NAALADL2: variants seen among roughly 807,000 people sequenced by gnomAD.
NAALADL2 encodes the protein N-acetylated alpha-linked acidic dipeptidase like 2.
Under a neutral mutation model 87.2 loss-of-function variants are expected in NAALADL2, and 76 were observed. The ratio of observed to expected loss-of-function variants is 0.87; its 90% CI spans 0.72 to 1.05. The LOEUF (loss-of-function observed/expected upper bound fraction) is 1.05. Ranked by LOEUF, NAALADL2 falls within the 50% of genes least tolerant of loss-of-function variation. The pLI, the probability that NAALADL2 is intolerant of heterozygous loss-of-function variation, is 0.00. For missense variants in NAALADL2, 1,089 were observed against 945.8 expected, an observed-to-expected ratio of 1.15 and a Z score of -1.99; for synonymous variants, 354 against 331.0, an observed-to-expected ratio of 1.07 and a Z score of -0.75.
intron 5 of NAALADL2, among the ~76,000 whole-genome samples, chr3:175,439,739 TC>T (rs200371516): frequency 0.05 from 7,367 of 145,952 alleles, 482 homozygotes; most frequent in East Asian, 0.18. Context: ...TTCTTTTTTT[TC>T]TTTTTTTGAT....
At chr3:174,827,133 C>A (rs963716434) in intron 3 of NAALADL2, among the ~76,000 whole-genome samples, 1 of 152,120 alleles carries the variant, frequency 6.6e-6, no homozygotes, top group Non-Finnish European at 1.5e-5. Flanking sequence ...TCTTCTCACT[C>A]ACTTTTTTTT....
At chr3:174,527,535 G>T (rs972601896) in intron 1 of NAALADL2, among the ~76,000 whole-genome samples, 1 of 149,290 alleles carries the variant, frequency 6.7e-6, no homozygotes, top group South Asian at 2.1e-4. Context: ...AAAAAAAAAA[G>T]AAAGTCTTTT....
rs573871342 is a variant in NAALADL2 at position 174,785,946 on chromosome 3, C to A, written c.-9+48200C>A. The stretch of plus-strand genomic sequence containing the variant: ...AGGTTATTCTCAGTTGATATTGATT[C>A]CTTTTTCCTAAATTAATGCACATTA... On this transcript the variant is annotated intron_variant, in intron 3 of 3. Coordinates refer to the NAALADL2 transcript ENST00000434257. Among the ~76,000 whole-genome samples the A allele has an allele frequency of 1.9e-3, 289 of 152,142 alleles. 7 individuals carry two copies. Among genetic ancestry groups the A allele is most frequent in the Non-Finnish European group, 1.9e-4 (13 of 67,998 alleles).
At chr3:174,883,527 T>G (rs1359335539) in intron 1 of NAALADL2, among the ~76,000 whole-genome samples, 1 of 152,158 alleles carries the variant, frequency 6.6e-6, no homozygotes, top group Non-Finnish European at 1.5e-5. Context: ...GTGAAGTCAA[T>G]AAATCTTATG....
At chr3:174,905,636 A>G (rs1249542033) in intron 1 of NAALADL2, among the ~76,000 whole-genome samples, 1 of 152,048 alleles carries the variant, frequency 6.6e-6, no homozygotes, top group Non-Finnish European at 1.5e-5. Flanking sequence ...CCATTTAACA[A>G]AGCAAAACAT....
At chr3:174,894,477 C>T (rs1731243385) in intron 1 of NAALADL2, among the ~76,000 whole-genome samples, 1 of 151,194 alleles carries the variant, frequency 6.6e-6, no homozygotes, top group South Asian at 2.1e-4. Flanking sequence ...ACCTGTGGTC[C>T]CAGACACTTG....
chr3:175,080,207 C>T (rs2109231303), intron 1 of NAALADL2, among the ~76,000 whole-genome samples: 1 of 152,272 alleles, frequency 6.6e-6, no homozygotes, highest in East Asian at 1.9e-4. Context: ...CCTCGTGATC[C>T]ACGCACCTCG....
intron 1 of NAALADL2, among the ~76,000 whole-genome samples, chr3:174,934,564 C>A (rs1428368719): frequency 6.6e-6 from 1 of 152,020 alleles, no homozygotes; most frequent in African/African-American, 2.4e-5. Context: ...GTAATCCCAG[C>A]ACTTTGGGAG....
chr3:174,991,665 A>T (rs1245721376), intron 1 of NAALADL2, among the ~76,000 whole-genome samples: 1 of 152,082 alleles, frequency 6.6e-6, no homozygotes, highest in Non-Finnish European at 1.5e-5. Flanking sequence ...CTGTATGGAG[A>T]TGGAAGTGAT....
intron 5 of NAALADL2, among the ~76,000 whole-genome samples, chr3:175,379,540 T>C (rs1166147876): frequency 6.6e-6 from 1 of 151,924 alleles, no homozygotes; most frequent in East Asian, 1.9e-4. Context: ...GTTTTTTTTT[T>C]TTCCTTTTTT....
At chr3:175,139,993 A>G (rs536208182) in intron 2 of NAALADL2, among the ~76,000 whole-genome samples, 4 of 152,282 alleles carry the variant, frequency 2.6e-5, no homozygotes, top group African/African-American at 9.6e-5. Context: ...AGTAGATTGG[A>G]CAGGAGCCTG....
chr3:175,148,072 A>AAAT (rs1314444904), intron 2 of NAALADL2, among the ~76,000 whole-genome samples: 10 of 112,166 alleles, frequency 8.9e-5, no homozygotes, highest in East Asian at 5.8e-4. Flanking sequence ...CTCTGTCTCA[A>AAAT]AATAATAATA....
At chr3:175,282,075 C>T (rs1428687274) in intron 4 of NAALADL2, among the ~76,000 whole-genome samples, 1 of 151,888 alleles carries the variant, frequency 6.6e-6, no homozygotes, top group East Asian at 1.9e-4. Flanking sequence ...CTAAAATTCT[C>T]CTTAAAATAT....
intron 4 of NAALADL2, among the ~76,000 whole-genome samples, chr3:175,276,297 ATT>A (rs10645974): frequency 1.2e-4 from 16 of 133,538 alleles, no homozygotes; most frequent in Admixed American, 4.0e-4. Flanking sequence ...CGCTTTGCAA[ATT>A]TTTTTTTTTT....
chr3:175,018,266 T>C (rs2108849407), intron 1 of NAALADL2, among the ~76,000 whole-genome samples: 1 of 152,124 alleles, frequency 6.6e-6, no homozygotes, highest in South Asian at 2.1e-4. Context: ...ATATCTTTTA[T>C]AAAGTCCTGT....
intron 2 of NAALADL2, among the ~76,000 whole-genome samples, chr3:175,184,445 A>G (rs985074271): frequency 2.0e-5 from 3 of 152,138 alleles, no homozygotes; most frequent in Admixed American, 2.0e-4. Flanking sequence ...ACTATTTAGT[A>G]CATTAATTAA....
intron 9 of NAALADL2, among the ~76,000 whole-genome samples, chr3:175,473,149 T>C (rs1212516665): frequency 6.6e-6 from 1 of 152,140 alleles, no homozygotes; most frequent in Non-Finnish European, 1.5e-5. Flanking sequence ...TTTCTGAGAA[T>C]ATAATGCTAT....
intron 1 of NAALADL2, among the ~76,000 whole-genome samples, chr3:174,977,504 T>A (rs1744521620): frequency 6.6e-6 from 1 of 152,230 alleles, no homozygotes; most frequent in Non-Finnish European, 1.5e-5. Flanking sequence ...GTTGAAAAGA[T>A]TTGTAAAAAT....
chr3:174,523,154 T>G (rs923317418), intron 1 of NAALADL2, among the ~76,000 whole-genome samples: 1 of 152,098 alleles, frequency 6.6e-6, no homozygotes, highest in Non-Finnish European at 1.5e-5. Flanking sequence ...CTATAGTATT[T>G]TGTTATGTTA....
Sources: allele counts gnomAD v4.1 joint callset (sites outside exome capture counted in the v4.1 genomes callset), GRCh38; gene constraint gnomAD v4.1.1; transcripts MANE v1.5; gene names NCBI Gene and HGNC (gene_info 2026-07-23, HGNC 2026-07-21).